Variants in ERG observed in about 807,000 individuals in gnomAD.
ERG encodes the protein ETS transcription factor ERG, also known as transcriptional regulator ERG.
Under a neutral mutation model 55.3 loss-of-function variants are expected in ERG, and 9 were observed. The observed-to-expected ratio is 0.16, with a 90% confidence interval of 0.10 to 0.28. The LOEUF (loss-of-function observed/expected upper bound fraction) is 0.28. ERG is among the 10% of genes least tolerant of loss of function. The pLI, the probability that ERG is intolerant of heterozygous loss-of-function variation, is 1.00. For missense variants in ERG, 434 were observed against 631.6 expected, an observed-to-expected ratio of 0.69 and a Z score of 3.35; for synonymous variants, 223 against 237.3, an observed-to-expected ratio of 0.94 and a Z score of 0.55.
intron 2 of ERG, among the ~76,000 whole-genome samples, chr21:38,437,530 C>T (rs867820933): frequency 6.6e-5 from 10 of 152,202 alleles, no homozygotes; most frequent in African/African-American, 2.2e-4. Context: ...GGCAAGGAGG[C>T]AAGAGCCTCT....
intron 2 of ERG, among the ~76,000 whole-genome samples, chr21:38,429,742 T>TACACAC (rs377310789): frequency 0.016 from 1,679 of 105,944 alleles, 29 homozygotes; most frequent in South Asian, 0.019. Context: ...TGTGTATATA[T>TACACAC]ATATACACAC....
At chr21:38,556,156 A>C (rs1369303291) in intron 2 of ERG, among the ~76,000 whole-genome samples, 1 of 152,224 alleles carries the variant, frequency 6.6e-6, no homozygotes, top group Non-Finnish European at 1.5e-5. Context: ...GCAGAAATGC[A>C]ATATTTTGGG....
At chr21:38,592,571 C>CTGTGTGTGTGTGTGTGTGTGTGTGTG (rs56195027) in intron 1 of ERG, among the ~76,000 whole-genome samples, 1 of 148,098 alleles carries the variant, frequency 6.8e-6, no homozygotes, top group African/African-American at 2.5e-5. Context: ...TCTCCCTTCA[C>CTGTGTGTGTGTGTGTGTGTGTGTGTG]TGTGTGTGTG....
At chr21:38,373,753 C>T in the ERG span, among the ~76,000 whole-genome samples, 1 of 152,128 alleles carries the variant, frequency 6.6e-6, no homozygotes, top group Non-Finnish European at 1.5e-5. Context: ...ATTCCTTGGG[C>T]CTAATTCCAC....
chr21:38,620,149 T>C (rs1263930759), intron 1 of ERG, among the ~76,000 whole-genome samples: 1 of 152,246 alleles, frequency 6.6e-6, no homozygotes, highest in African/African-American at 2.4e-5. Flanking sequence ...TAAATCATTA[T>C]TGCATTTCTT....
chr21:38,445,211 G>A (rs971757718), intron 2 of ERG, among the ~76,000 whole-genome samples, 193 bp downstream of exon 2: 3 of 148,138 alleles, frequency 2.0e-5, no homozygotes, highest in African/African-American at 7.5e-5. Context: ...GCATGATCCC[G>A]GCTCACTGCA....
Position 38,381,223 on chromosome 21 carries a change from C to T in ERG, c.*2180G>A, listed in dbSNP as rs1177239256. 1.9e-6 allele frequency: 2 copies of T among 1,065,132 alleles called. No homozygotes were observed. The highest frequency in any genetic ancestry group is 1.6e-5 in the African/African-American group (1 of 61,068). 66.0% of individuals were successfully genotyped at this position (1,065,132 alleles called of 1,614,324 possible). A position where few individuals can be genotyped will look rare whatever the true frequency, so the allele number is the denominator to read the frequency against. On this transcript the variant is annotated 3_prime_UTR_variant, in exon 10 of 10. Transcript: ENST00000288319. Reference sequence around the variant, plus strand: ...AGGACTGCAACGTGAAAAAAACAGGCCCTGAAACAGCTATGAAAAGGGCCA... The same window carrying T: ...AGGACTGCAACGTGAAAAAAACAGGTCCTGAAACAGCTATGAAAAGGGCCA...
At chr21:38,623,250 C>G (rs2060304630) in intron 1 of ERG, among the ~76,000 whole-genome samples, 1 of 149,674 alleles carries the variant, frequency 6.7e-6, no homozygotes, top group South Asian at 2.1e-4. Context: ...ATACACACCA[C>G]AGAGCACACA....
intron 1 of ERG, among the ~76,000 whole-genome samples, chr21:38,596,351 A>G (rs1386228375): frequency 6.6e-6 from 1 of 152,224 alleles, no homozygotes; most frequent in African/African-American, 2.4e-5. Flanking sequence ...CTCGGAATTC[A>G]AAACCAGCCT....
intron 4 of ERG, among the ~76,000 whole-genome samples, chr21:38,402,982 C>G (rs1162807657): frequency 2.0e-5 from 3 of 152,196 alleles, no homozygotes; most frequent in Non-Finnish European, 4.4e-5. Flanking sequence ...ATGCAGCAAA[C>G]ATTCTGGATT....
At chr21:38,661,313 G>C (rs999030560) in intron 1 of ERG, among the ~76,000 whole-genome samples, 2 of 152,230 alleles carry the variant, frequency 1.3e-5, no homozygotes, top group Non-Finnish European at 2.9e-5. Context: ...AAACGGTTGC[G>C]ACACTAAGAC....
chr21:38,498,368 T>C lies in ERG; in HGVS notation c.13A>G (p.Ile5Val), dbSNP rs952492391. The change falls in exon 1 of 10, where the codon ATT (isoleucine) becomes GTT (valine). Residue 5 changes from isoleucine (I) to valine (V), a missense_variant. Ile to Val is a conservative substitution (Grantham distance 29). Coordinates refer to ENST00000288319, the MANE Select transcript of ERG (RefSeq NM_182918.4). This position sits in a 1 kb window ranked among gnomAD's most constrained non-coding sequence, Gnocchi z 4.6. ...AAAAGGAACCCTTTCCTTACCTTAA[T>C]AGTGCTGGCCATAATGCGATCAAGT... MAST[I>V]KEALSVVSED... The C allele has an allele frequency of 6.2e-7, 1 of 1,603,088 alleles. No homozygotes were observed. Among genetic ancestry groups the C allele is most frequent in the Non-Finnish European group, 8.5e-7 (1 of 1,171,746 alleles).
chr21:38,422,896 T>G (rs986758375), intron 3 of ERG, among the ~76,000 whole-genome samples: 5 of 152,144 alleles, frequency 3.3e-5, no homozygotes, highest in African/African-American at 9.7e-5. Flanking sequence ...AACAAGTCTA[T>G]CATCTATCAT....
At chr21:38,463,083 T>A (rs183339216) in intron 1 of ERG, among the ~76,000 whole-genome samples, 9 of 152,172 alleles carry the variant, frequency 5.9e-5, no homozygotes, top group Non-Finnish European at 1.3e-4. Flanking sequence ...CATCTCTGGA[T>A]TGGCAAGTGG....
intron 2 of ERG, among the ~76,000 whole-genome samples, chr21:38,520,097 G>T (rs922805811): frequency 2.0e-5 from 3 of 152,082 alleles, no homozygotes; most frequent in African/African-American, 7.2e-5. Context: ...AACTTTTCAC[G>T]TGTGAAATAC....
chr21:38,369,537 T>C, the ERG span, among the ~76,000 whole-genome samples: 5 of 152,204 alleles, frequency 3.3e-5, no homozygotes, highest in Non-Finnish European at 7.4e-5. Flanking sequence ...CTTTGTTAGA[T>C]GTATAGTTTG....
chr21:38,465,914 C>A (rs1406941643), intron 1 of ERG, among the ~76,000 whole-genome samples: 3 of 152,172 alleles, frequency 2.0e-5, no homozygotes, highest in East Asian at 3.9e-4. Context: ...CCTCCCTGAC[C>A]GCCTTGTGCC....
chr21:38,411,312 C>T (rs1378591118), intron 3 of ERG, among the ~76,000 whole-genome samples: 2 of 152,006 alleles, frequency 1.3e-5, no homozygotes, highest in East Asian at 1.9e-4. Context: ...ATGAAATTAA[C>T]ATTTTATTTT....
chr21:38,381,498 T>A lies in ERG; in HGVS notation c.*1905A>T. 1 of 1,063,780 alleles carries A rather than the reference T, an allele frequency of 9.4e-7. No homozygotes were observed. The highest frequency in any genetic ancestry group is 1.1e-6 in the Non-Finnish European group (1 of 878,334). The allele number at this position is 1,063,780 out of a possible 1,614,324, so 65.9% of individuals were successfully genotyped here. On this transcript the variant is annotated 3_prime_UTR_variant, in exon 10 of 10. Transcript: ENST00000288319. Reference sequence around the variant, plus strand: ...CCAGGTAACTCTGATGTAGCAGGACTAAAGCTGTCTACCTAGTGAGAGCTC... The same window carrying A: ...CCAGGTAACTCTGATGTAGCAGGACAAAAGCTGTCTACCTAGTGAGAGCTC...
Sources: gnomAD v4.1 joint callset for allele counts (sites outside exome capture counted in the v4.1 genomes callset) on GRCh38, gnomAD v4.1.1 for gene constraint, Gnocchi (gnomAD v3.1) non-coding constraint, MANE v1.5 for transcripts, NCBI Gene and HGNC (gene_info 2026-07-23, HGNC 2026-07-21) for gene names.